The following GLT1D1 variants were observed in gnomAD, a reference collection of about 807,000 sequenced individuals.
GLT1D1 encodes the protein glycosyltransferase 1 domain-containing protein 1.
Under a neutral mutation model 28.7 loss-of-function variants are expected in GLT1D1, and 21 were observed. The observed-to-expected ratio is 0.73, with a 90% CI of 0.52 to 1.05. The LOEUF (loss-of-function observed/expected upper bound fraction) is 1.05. GLT1D1 is among the 50% of genes least tolerant of loss of function. GLT1D1 has a pLI of 0.00. For missense variants in GLT1D1, 343 were observed against 330.6 expected (o/e 1.04, Z -0.29); for synonymous variants, 147 against 124.8 (o/e 1.18, Z -1.19).
At chr12:128,866,484 C>T (rs1028469856) in intron 1 of GLT1D1, among the ~76,000 whole-genome samples, 2 of 151,866 alleles carry the variant, frequency 1.3e-5, no homozygotes, top group Non-Finnish European at 2.9e-5. Flanking sequence ...ATTCCTCCTC[C>T]TGCCCCCCAC....
chr12:128,955,929 C>T (rs1311637994), intron 6 of GLT1D1, among the ~76,000 whole-genome samples: 1 of 151,464 alleles, frequency 6.6e-6, no homozygotes, highest in Non-Finnish European at 1.5e-5. Context: ...GGGACTGCAT[C>T]CCAATAAACC....
At chr12:128,920,054 A>G (rs1872529972) in intron 4 of GLT1D1, among the ~76,000 whole-genome samples, 1 of 149,692 alleles carries the variant, frequency 6.7e-6, no homozygotes, top group Non-Finnish European at 1.5e-5. Context: ...TGGAAACTCA[A>G]ATTTGCCTAA....
chr12:128,870,914 C>T (rs973545359), intron 1 of GLT1D1, among the ~76,000 whole-genome samples: 3 of 152,164 alleles, frequency 2.0e-5, no homozygotes, highest in Admixed American at 2.0e-4. Flanking sequence ...TCGCTTGAAC[C>T]CGTGAGGCAG....
rs59189244 is a variant in GLT1D1, at chr12:128,904,623, CTTTTTTTTTTT to C, written c.375+5354_375+5364del. On this transcript the variant is annotated intron_variant, in intron 4 of 7. Coordinates refer to ENST00000281703, the MANE Select transcript of GLT1D1 (RefSeq NM_144669.3). ...GTGATGGTTAAAGCATGAAAACAGT[CTTTTTTTTTTT>C]TTTTTTTTTTTTTTTTTGAGACAGA... Among the ~76,000 whole-genome samples, 11 of 139,286 alleles carry C rather than the reference CTTTTTTTTTTT, an allele frequency of 7.9e-5. 1 individual carries two copies. Among genetic ancestry groups the C allele is most frequent in the African/African-American group, 3.4e-4 (11 of 32,754 alleles). The allele number at this position is 139,286 out of a possible 152,430, so 91.4% of individuals were successfully genotyped here. A position where few individuals can be genotyped will look rare whatever the true frequency, so the allele number is the denominator to read the frequency against.
At chr12:128,973,248 T>C (rs1879399217) in intron 7 of GLT1D1, among the ~76,000 whole-genome samples, 2 of 138,412 alleles carry the variant, frequency 1.4e-5, no homozygotes, top group Admixed American at 8.0e-5. Context: ...AGTGACACGA[T>C]ATTGGCTCAT....
intron 4 of GLT1D1, among the ~76,000 whole-genome samples, chr12:128,927,968 C>T (rs1873416269): frequency 8.4e-6 from 1 of 118,804 alleles, no homozygotes; most frequent in African/African-American, 3.2e-5. Context: ...CCGCTGTACT[C>T]CAGCCTGGCC....
intron 1 of GLT1D1, among the ~76,000 whole-genome samples, chr12:128,867,722 C>A (rs888610609): frequency 5.9e-5 from 9 of 152,166 alleles, no homozygotes; most frequent in Non-Finnish European, 1.3e-4. Context: ...GATGCTCACA[C>A]GCTTACTACA....
At chr12:128,868,649 G>A (rs1956608211) in intron 1 of GLT1D1, among the ~76,000 whole-genome samples, 1 of 152,280 alleles carries the variant, frequency 6.6e-6, no homozygotes, top group African/African-American at 2.4e-5. Context: ...TGGTGACCTT[G>A]TAGCAGTGAG....
At chr12:128,971,514 C>T (rs1264474331) in intron 7 of GLT1D1, among the ~76,000 whole-genome samples, 2 of 128,930 alleles carry the variant, frequency 1.6e-5, no homozygotes, top group Non-Finnish European at 3.3e-5. Flanking sequence ...CTCTCCCTTC[C>T]TCTCTCCTTC....
At chr12:128,896,704 C>T (rs776510970) in intron 3 of GLT1D1, among the ~76,000 whole-genome samples, 13 of 151,576 alleles carry the variant, frequency 8.6e-5, no homozygotes, top group Admixed American at 2.6e-4. Flanking sequence ...CTCAGCGTAC[C>T]GAGTAGCTGG....
rs1281186370 is a variant in GLT1D1 at position 128,942,806 on chromosome 12, G to A, written c.376-2520G>A. On this transcript the variant is annotated intron_variant, in intron 4 of 7. Coordinates refer to ENST00000281703, the MANE Select transcript of GLT1D1 (RefSeq NM_144669.3). ...CGCTCTGCCCCCCAGGCTGGAGTGC[G>A]GTGGCACGATCTAGGCTCACTGCAA... Among the ~76,000 whole-genome samples, 8 of 149,202 alleles carry A rather than the reference G, an allele frequency of 5.4e-5. No homozygotes were observed. The East Asian group carries it at 7.8e-4, about 15-fold the overall frequency.
intron 2 of GLT1D1, among the ~76,000 whole-genome samples, chr12:128,884,506 T>C (rs1380794235): frequency 6.6e-6 from 1 of 152,150 alleles, no homozygotes; most frequent in East Asian, 1.9e-4. Context: ...AACAATGTAT[T>C]GTATACTTGA....
chr12:128,945,977 C>T (rs1876016020), intron 5 of GLT1D1, among the ~76,000 whole-genome samples: 1 of 152,208 alleles, frequency 6.6e-6, no homozygotes, highest in South Asian at 2.1e-4. Flanking sequence ...TTTGGGTCAG[C>T]CCCCTGTAAA....
intron 4 of GLT1D1, among the ~76,000 whole-genome samples, chr12:128,943,338 G>T (rs1296954356): frequency 6.6e-6 from 1 of 151,810 alleles, no homozygotes; most frequent in South Asian, 2.1e-4. Context: ...TAGTGCCACA[G>T]GTTTTCTCTT....
At chr12:128,881,749 C>T (rs1011343273) in intron 2 of GLT1D1, among the ~76,000 whole-genome samples, 1 of 149,756 alleles carries the variant, frequency 6.7e-6, no homozygotes, top group Non-Finnish European at 1.5e-5. Context: ...ACTGCTGTAT[C>T]TGACTCTTGC....
intron 1 of GLT1D1, among the ~76,000 whole-genome samples, chr12:128,871,755 C>A (rs1956693931): frequency 6.6e-6 from 1 of 152,064 alleles, no homozygotes; most frequent in African/African-American, 2.4e-5. Context: ...TTGTTTTACT[C>A]ATGATTTTGT....
At position 128,983,021 on chromosome 12, in the gene GLT1D1, T is replaced by C; in HGVS notation, c.732T>C (p.His244=). Reference sequence around the variant, plus strand: ...GAAGGGAATACGTGAGAATGTATCATTCATGGCAGGTGGAAAGAGACACCT... The same window carrying C: ...GAAGGGAATACGTGAGAATGTATCACTCATGGCAGGTGGAAAGAGACACCT... Residue 244 remains histidine, a synonymous_variant, in exon 8 of 8, where the codon CAT becomes CAC. Coordinates refer to ENST00000281703, the MANE Select transcript of GLT1D1 (RefSeq NM_144669.3). This position sits in a 1 kb window ranked among gnomAD's most constrained non-coding sequence, Gnocchi z 4.7. 1.2e-6 allele frequency: 2 copies of C among 1,614,108 alleles called. No homozygotes were observed. The highest frequency in any genetic ancestry group is 4.5e-5 in the East Asian group (2 of 44,882).
intron 1 of GLT1D1, 25 bp downstream of exon 1, chr12:128,853,674 C>T (rs1956128502): frequency 9.2e-7 from 1 of 1,089,102 alleles, no homozygotes; most frequent in Non-Finnish European, 1.1e-6. Context: ...CCGGGGCCTA[C>T]GAAGCCTGGG....
intron 7 of GLT1D1, among the ~76,000 whole-genome samples, chr12:128,969,735 A>G (rs921353553): frequency 6.6e-6 from 1 of 152,218 alleles, no homozygotes; most frequent in Admixed American, 6.5e-5. Flanking sequence ...AGGCAGAGAG[A>G]GAAGAGCTTC....
Sources: gnomAD v4.1 joint callset for allele counts (sites outside exome capture counted in the v4.1 genomes callset) on GRCh38, gnomAD v4.1.1 for gene constraint, Gnocchi (gnomAD v3.1) non-coding constraint, MANE v1.5 for transcripts, NCBI Gene and HGNC (gene_info 2026-07-23, HGNC 2026-07-21) for gene names.